Variants in PKP4 observed in about 807,000 individuals in gnomAD.
PKP4 encodes plakophilin 4, also known as plakophilin-4.
PKP4 carries 90 observed loss-of-function variants against 145.1 expected under a neutral mutation model. The ratio of observed to expected loss-of-function variants is 0.62; its 90% CI spans 0.52 to 0.74. PKP4 has a LOEUF of 0.74. PKP4 is among the 30% of genes least tolerant of loss of function. The probability of loss-of-function intolerance (pLI) is 0.00; values close to 1 mark genes in which losing one functional copy is unlikely to be tolerated. For synonymous variants in PKP4, 563 were observed against 577.2 expected, an observed-to-expected ratio of 0.98 and a Z score of 0.35; for missense variants, 1,340 against 1,482.7, an observed-to-expected ratio of 0.90 and a Z score of 1.58.
intron 15 of PKP4, among the ~76,000 whole-genome samples, chr2:158,664,175 G>A (rs369823586): frequency 6.6e-6 from 1 of 152,170 alleles, no homozygotes; most frequent in South Asian, 2.1e-4. Context: ...TAGAAGCAGG[G>A]ATTGGATTTG....
intron 3 of PKP4, among the ~76,000 whole-genome samples, chr2:158,579,866 T>G (rs1433589659): frequency 6.6e-6 from 1 of 151,462 alleles, no homozygotes; most frequent in Non-Finnish European, 1.5e-5. Flanking sequence ...TAGCTATATA[T>G]ATATTGCTAT....
chr2:158,496,925 T>A (rs1012461220), intron 1 of PKP4, among the ~76,000 whole-genome samples: 9 of 152,190 alleles, frequency 5.9e-5, no homozygotes, highest in African/African-American at 2.2e-4. Context: ...TCCTGCACTC[T>A]TGATAAGTTG....
chr2:158,605,790 A>G (rs1285744564), intron 4 of PKP4, among the ~76,000 whole-genome samples: 1 of 152,102 alleles, frequency 6.6e-6, no homozygotes, highest in Non-Finnish European at 1.5e-5. Context: ...CTGTCACGCC[A>G]TTTTACCCCC....
intron 1 of PKP4, among the ~76,000 whole-genome samples, chr2:158,499,767 A>G (rs1011817846): frequency 6.6e-6 from 1 of 152,202 alleles, no homozygotes. Flanking sequence ...AAAATTGGTA[A>G]TACTTGGACT....
intron 3 of PKP4, among the ~76,000 whole-genome samples, chr2:158,585,582 T>C (rs1207558669): frequency 2.0e-5 from 3 of 152,322 alleles, no homozygotes; most frequent in South Asian, 2.1e-4. Flanking sequence ...GAAATCAACC[T>C]CTTCAAATAA....
chr2:158,639,823 G>A (rs924392524), intron 9 of PKP4, among the ~76,000 whole-genome samples: 1 of 152,156 alleles, frequency 6.6e-6, no homozygotes, highest in African/African-American at 2.4e-5. Flanking sequence ...GCAGGGTACC[G>A]CTTCGCAGTT....
intron 6 of PKP4, among the ~76,000 whole-genome samples, chr2:158,623,973 G>A (rs80022518): frequency 6.6e-6 from 1 of 152,158 alleles, no homozygotes; most frequent in African/African-American, 2.4e-5. Flanking sequence ...AGCACCTGCT[G>A]TAACTGCAGG....
chr2:158,563,889 A>G (rs1450868863), intron 2 of PKP4, among the ~76,000 whole-genome samples: 2 of 152,186 alleles, frequency 1.3e-5, no homozygotes, highest in Non-Finnish European at 2.9e-5. Context: ...CACTGTTAGC[A>G]TACTTTAATG....
At chr2:158,662,549 G>C (rs73006932) in intron 13 of PKP4, 11,873 of 171,586 alleles carry the variant, frequency 0.069, 1,054 homozygotes, top group African/African-American at 0.21. Flanking sequence ...TGGGGCATCT[G>C]TTGTCACGCC....
intron 1 of PKP4, among the ~76,000 whole-genome samples, chr2:158,531,681 T>C (rs1181049394): frequency 6.6e-6 from 1 of 152,178 alleles, no homozygotes; most frequent in Non-Finnish European, 1.5e-5. Flanking sequence ...AGTGAGGAAG[T>C]GAGGCTCAGC....
intron 7 of PKP4, among the ~76,000 whole-genome samples, chr2:158,626,179 C>T (rs1362070787): frequency 1.3e-5 from 2 of 151,952 alleles, no homozygotes; most frequent in Non-Finnish European, 2.9e-5. Context: ...AGCCTTTTAC[C>T]CTCACCCAGT....
At chr2:158,546,550 A>G (rs1053047133) in intron 2 of PKP4, among the ~76,000 whole-genome samples, 16 of 152,230 alleles carry the variant, frequency 1.1e-4, no homozygotes, top group Non-Finnish European at 2.9e-5. Context: ...GTAGCACCAT[A>G]GGGCATGAGC....
chr2:158,559,217 G>A (rs978996569), intron 2 of PKP4, among the ~76,000 whole-genome samples: 5 of 152,044 alleles, frequency 3.3e-5, no homozygotes, highest in South Asian at 2.1e-4. Context: ...CACTTTTCTC[G>A]CCACTAGTCC....
intron 1 of PKP4, among the ~76,000 whole-genome samples, chr2:158,478,731 T>A (rs1692896938): frequency 6.6e-6 from 1 of 152,240 alleles, no homozygotes; most frequent in Non-Finnish European, 1.5e-5. Context: ...ATAATTAAAC[T>A]TTTTGCTTAG....
chr2:158,663,342 C>G lies in PKP4; in HGVS notation c.2474C>G (p.Ser825Trp). 5 of 1,613,958 alleles carry G rather than the reference C, an allele frequency of 3.1e-6. No individual in the cohort carries two copies. The highest frequency in any genetic ancestry group is 4.2e-6 in the Non-Finnish European group (5 of 1,179,846). The change falls in exon 15 of 22, where the codon TCG becomes TGG. Residue 825 changes from serine (S) to tryptophan (W), a missense_variant. Physicochemically the swap from Ser to Trp is radical, Grantham distance 177 (BLOSUM62 -3). Coordinates refer to ENST00000389759, the MANE Select transcript of PKP4 (RefSeq NM_003628.6). ...GGGGTTGAGATGCTGTGGCACCCAT[C>G]GGTGGTAAAACCATATCTGACTCTT... is the stretch of plus-strand genomic sequence containing the variant. ...PKGVEMLWHP[S>W]VVKPYLTLLA...
At chr2:158,514,928 G>A (rs1402558922) in intron 1 of PKP4, among the ~76,000 whole-genome samples, 1 of 152,050 alleles carries the variant, frequency 6.6e-6, no homozygotes, top group Non-Finnish European at 1.5e-5. Flanking sequence ...GTGACAGAGT[G>A]AGACGCTGTC....
chr2:158,577,489 C>A, intron 3 of PKP4, 106 bp downstream of exon 3: 1 of 698,344 alleles, frequency 1.4e-6, no homozygotes, highest in Non-Finnish European at 2.3e-6. Flanking sequence ...TGTTAACTTG[C>A]CTTCCAGAAT....
At chr2:158,482,959 A>C (rs1025406143) in intron 1 of PKP4, among the ~76,000 whole-genome samples, 2 of 152,202 alleles carry the variant, frequency 1.3e-5, no homozygotes, top group African/African-American at 4.8e-5. Context: ...ACACAGGCCA[A>C]TTGGTTATTT....
intron 4 of PKP4, among the ~76,000 whole-genome samples, chr2:158,613,355 G>A (rs1053524578): frequency 6.6e-6 from 1 of 152,164 alleles, no homozygotes; most frequent in Non-Finnish European, 1.5e-5. Context: ...AAGAATTCCT[G>A]CTGATAAATG....
Sources: allele counts gnomAD v4.1 joint callset (sites outside exome capture counted in the v4.1 genomes callset), GRCh38; gene constraint gnomAD v4.1.1; transcripts MANE v1.5; gene names NCBI Gene and HGNC (gene_info 2026-07-23, HGNC 2026-07-21).